DYTN: variants seen among roughly 807,000 people sequenced by gnomAD.
DYTN encodes dystrotelin.
Under a neutral mutation model 69.6 loss-of-function variants are expected in DYTN, and 75 were observed. That is an observed-to-expected ratio of 1.08 (90% confidence interval 0.89 to 1.31). DYTN has a LOEUF of 1.31. Among genes scored for constraint, DYTN ranks in the 50% most tolerant of loss-of-function variants. The probability of loss-of-function intolerance (pLI) is 0.00; values close to 1 mark genes in which losing one functional copy is unlikely to be tolerated. For missense variants in DYTN, 726 were observed against 688.4 expected, an observed-to-expected ratio of 1.05 and a Z score of -0.61; for synonymous variants, 252 against 249.1, an observed-to-expected ratio of 1.01 and a Z score of -0.11.
intron 3 of DYTN, 127 bp downstream of exon 3, chr2:206,707,175 A>C: frequency 2.5e-6 from 3 of 1,206,950 alleles, no homozygotes; most frequent in Non-Finnish European, 3.4e-6. Context: ...TAAATTTGTG[A>C]AAAACAAACA....
chr2:206,694,837 T>A lies in DYTN; in HGVS notation c.760A>T (p.Met254Leu). The change falls in exon 8 of 12, where the codon ATG (methionine) becomes TTG (leucine). Residue 254 changes from methionine to leucine, a missense_variant. Physicochemically the swap from Met to Leu is conservative, Grantham distance 15. Transcript: ENST00000452335. ...LKCLNFDICQMCFLSGLHSKS... is the reference protein window; with the variant it reads ...LKCLNFDICQLCFLSGLHSKS... ...CTGTGAAGACCAGATAAGAAACACA[T>A]CTGGCAGATGTCAAAGTTGAGACAC... 6.2e-7 allele frequency: 1 copy of A among 1,610,218 alleles called. No individual in the cohort carries two copies. Among genetic ancestry groups the A allele is most frequent in the South Asian group, 1.1e-5 (1 of 90,528 alleles).
At chr2:206,678,270 G>C (rs1699711920) in intron 9 of DYTN, among the ~76,000 whole-genome samples, 1 of 152,156 alleles carries the variant, frequency 6.6e-6, no homozygotes, top group Non-Finnish European at 1.5e-5. Context: ...ATATTCCAGT[G>C]ATAAAATTAT....
At chr2:206,715,772 G>C (rs774901240) in intron 1 of DYTN, among the ~76,000 whole-genome samples, 1 of 152,146 alleles carries the variant, frequency 6.6e-6, no homozygotes, top group Non-Finnish European at 1.5e-5. Context: ...CTGTAGGCAA[G>C]TTGGAACAAG....
intron 9 of DYTN, among the ~76,000 whole-genome samples, chr2:206,674,849 T>G (rs1437307996): frequency 6.6e-6 from 1 of 151,484 alleles, no homozygotes; most frequent in Non-Finnish European, 1.5e-5. Context: ...TCAAAACACC[T>G]CCCCCAAAAA....
chr2:206,716,904 G>A (rs559869882), intron 1 of DYTN, among the ~76,000 whole-genome samples: 10 of 152,162 alleles, frequency 6.6e-5, no homozygotes, highest in East Asian at 3.9e-4. Flanking sequence ...GCTTTACAGC[G>A]TCATCTGATG....
chr2:206,711,239 T>C (rs1007639217), intron 1 of DYTN, among the ~76,000 whole-genome samples: 3 of 152,244 alleles, frequency 2.0e-5, no homozygotes, highest in Non-Finnish European at 4.4e-5. Context: ...TAGGCTATTT[T>C]TATAATCAGA....
intron 8 of DYTN, 110 bp downstream of exon 8, chr2:206,694,656 T>G (rs1303959108): frequency 1.3e-6 from 1 of 782,014 alleles, no homozygotes; most frequent in Non-Finnish European, 1.9e-6. Flanking sequence ...AATATTGCAA[T>G]GTATGACAGG....
intron 11 of DYTN, among the ~76,000 whole-genome samples, chr2:206,658,859 T>C (rs188781357): frequency 4.6e-5 from 7 of 152,192 alleles, no homozygotes; most frequent in African/African-American, 1.4e-4. Flanking sequence ...GTGAAACCTA[T>C]AGTGGCAAAT....
chr2:206,667,231 T>G (rs1699583400), intron 9 of DYTN, among the ~76,000 whole-genome samples: 1 of 152,118 alleles, frequency 6.6e-6, no homozygotes, highest in Non-Finnish European at 1.5e-5. Context: ...TCTGACCTCA[T>G]CTCTTGCTTT....
Position 206,715,401 on chromosome 2 carries a change from A to C in DYTN, c.19+2860T>G, listed in dbSNP as rs182429744. Among the ~76,000 whole-genome samples the C allele has an allele frequency of 8.3e-3, 1,265 of 152,236 alleles. 16 individuals are homozygous for C. The highest frequency in any genetic ancestry group is 9.2e-3 in the Non-Finnish European group (625 of 68,006). On this transcript the variant is annotated intron_variant, in intron 1 of 11. Coordinates refer to ENST00000452335, the MANE Select transcript of DYTN (RefSeq NM_001093730.1). ...TCTCAGATGCATCCTTATCCAGCAC[A>C]GGGAGCCCGCCAGCTGCCCGTATAT...
intron 11 of DYTN, among the ~76,000 whole-genome samples, chr2:206,659,627 A>G (rs2105887112): frequency 6.6e-6 from 1 of 152,032 alleles, no homozygotes; most frequent in South Asian, 2.1e-4. Flanking sequence ...ATCTTCATCC[A>G]TGTGGTTATC....
At chr2:206,681,002 T>G (rs1186880354) in intron 9 of DYTN, among the ~76,000 whole-genome samples, 1 of 152,236 alleles carries the variant, frequency 6.6e-6, no homozygotes, top group Non-Finnish European at 1.5e-5. Context: ...GGTTCTTCTA[T>G]TCATGAGGAT....
At chr2:206,667,352 G>C (rs1699584679) in intron 9 of DYTN, among the ~76,000 whole-genome samples, 1 of 152,258 alleles carries the variant, frequency 6.6e-6, no homozygotes, top group East Asian at 1.9e-4. Context: ...CCTGGATGCT[G>C]TTTCTTCCCC....
At chr2:206,666,732 G>GGT (rs1288288446) in intron 9 of DYTN, among the ~76,000 whole-genome samples, 3 of 122,386 alleles carry the variant, frequency 2.5e-5, no homozygotes, top group Admixed American at 8.6e-5. Context: ...CTCACTCATG[G>GGT]GTGTGCGTGT....
chr2:206,660,549 A>G (rs548430384), intron 11 of DYTN, among the ~76,000 whole-genome samples: 24 of 152,358 alleles, frequency 1.6e-4, no homozygotes, highest in South Asian at 8.3e-4. Flanking sequence ...ACTTTTCTAT[A>G]AAGTCCAAAC....
chr2:206,665,983 T>A lies in DYTN; in HGVS notation c.1027A>T (p.Ile343Leu). Reference protein sequence around the residue: ...LNQYKDKLQAIYTSQEERICR... With the variant: ...LNQYKDKLQALYTSQEERICR... ...ATTCTTTCTTCCTGGGAGGTGTATA[T>A]AGCTTGCAACTTGTCTTTGTATTGG... The change falls in exon 10 of 12, where the codon ATA becomes TTA. Residue 343 changes from isoleucine (I) to leucine (L), a missense_variant. Coordinates refer to ENST00000452335, the MANE Select transcript of DYTN (RefSeq NM_001093730.1). The A allele has an allele frequency of 6.2e-7, 1 of 1,613,960 alleles. No homozygotes were observed. Among genetic ancestry groups the A allele is most frequent in the Non-Finnish European group, 8.5e-7 (1 of 1,179,850 alleles).
At chr2:206,708,785 G>C (rs966343213) in intron 2 of DYTN, among the ~76,000 whole-genome samples, 1 of 152,098 alleles carries the variant, frequency 6.6e-6, no homozygotes, top group African/African-American at 2.4e-5. Context: ...TTTTTGTTTG[G>C]ATATCTTTTC....
rs577506539 is a variant in DYTN, at chr2:206,707,767, G to A, written c.95-264C>T. 2.9e-4 allele frequency among the ~76,000 whole-genome samples: 44 copies of A among 152,178 alleles called. No homozygotes were observed. In the South Asian group the frequency reaches 8.3e-3, roughly 29 times the overall value. ...AACATTATTACCAGTACAGTTTCTA[G>A]GATGTTGTTTTATAGAAAGAAGTTA... is the stretch of plus-strand genomic sequence containing the variant. On this transcript the variant is annotated intron_variant, in intron 2 of 11. Transcript: ENST00000452335.
chr2:206,704,875 C>T lies in DYTN; in HGVS notation c.451G>A (p.Val151Ile). 1 of 1,613,612 alleles carries T rather than the reference C, an allele frequency of 6.2e-7. No homozygotes were observed. The highest frequency in any genetic ancestry group is 8.5e-7 in the Non-Finnish European group (1 of 1,179,792). ...YDSGPRMTRRVLRKLLTDLQQ... is the reference protein window; with the variant it reads ...YDSGPRMTRRILRKLLTDLQQ... ...AGATCTGTTAGTAGTTTTCTCAAAA[C>T]CCTTCGAGTCATGCGTGGCCCAGAA... Residue 151 changes from valine to isoleucine, a missense_variant, in exon 5 of 12, where the codon GTT (valine) becomes ATT (isoleucine). Coordinates refer to ENST00000452335, the MANE Select transcript of DYTN (RefSeq NM_001093730.1).
Sources: gnomAD v4.1 joint callset for allele counts (sites outside exome capture counted in the v4.1 genomes callset) on GRCh38, gnomAD v4.1.1 for gene constraint, MANE v1.5 for transcripts, NCBI Gene and HGNC (gene_info 2026-07-23, HGNC 2026-07-21) for gene names.